FGGY: variants seen among roughly 807,000 people sequenced by gnomAD.
FGGY encodes FGGY carbohydrate kinase domain containing, also known as FGGY carbohydrate kinase domain-containing protein.
Under a neutral mutation model 71.3 loss-of-function variants are expected in FGGY, and 72 were observed. The ratio of observed to expected loss-of-function variants is 1.01; its 90% CI spans 0.84 to 1.23. The LOEUF (loss-of-function observed/expected upper bound fraction) is 1.23. Among genes scored for constraint, FGGY ranks in the 50% most tolerant of loss-of-function variants. FGGY has a pLI of 0.00. For missense variants in FGGY, 668 were observed against 682.3 expected (o/e 0.98, Z 0.23); for synonymous variants, 251 against 250.3 (o/e 1.00, Z -0.02).
intron 5 of FGGY, among the ~76,000 whole-genome samples, chr1:59,380,948 C>T (rs1435022228): frequency 3.3e-5 from 5 of 151,872 alleles, no homozygotes; most frequent in African/African-American, 1.2e-4. Flanking sequence ...GTCTTTAATC[C>T]ATCTTGAATT....
chr1:59,626,488 T>C (rs1322881827), intron 10 of FGGY: 1 of 153,936 alleles, frequency 6.5e-6, no homozygotes, highest in African/African-American at 2.4e-5. Flanking sequence ...GCAAAAAAAA[T>C]TTACGATATA....
intron 11 of FGGY, chr1:59,641,395 GT>G: frequency 1.3e-6 from 2 of 1,502,532 alleles, no homozygotes; most frequent in Non-Finnish European, 1.8e-6. Context: ...CATTCACTGT[GT>G]TTTTATTGAA....
intron 8 of FGGY, among the ~76,000 whole-genome samples, chr1:59,605,474 G>A (rs1165441284): frequency 6.6e-6 from 1 of 152,110 alleles, no homozygotes; most frequent in African/African-American, 2.4e-5. Context: ...CACAGACCTG[G>A]ACTGGGAACT....
intron 5 of FGGY, among the ~76,000 whole-genome samples, chr1:59,439,055 A>G (rs1320410598): frequency 6.6e-6 from 1 of 152,078 alleles, no homozygotes; most frequent in Non-Finnish European, 1.5e-5. Context: ...GCCCAACTGG[A>G]TGTTGTCTCT....
At chr1:59,419,042 G>C (rs1030860230) in intron 5 of FGGY, among the ~76,000 whole-genome samples, 3 of 152,154 alleles carry the variant, frequency 2.0e-5, no homozygotes, top group Non-Finnish European at 1.5e-5. Flanking sequence ...GGCTGTAGGA[G>C]CTATGGCTGT....
intron 2 of FGGY, among the ~76,000 whole-genome samples, chr1:59,323,039 C>G (rs1435825694): frequency 6.9e-6 from 1 of 145,640 alleles, no homozygotes; most frequent in Non-Finnish European, 1.5e-5. Context: ...AGTGGGTAGG[C>G]AGTACCAGAG....
intron 7 of FGGY, among the ~76,000 whole-genome samples, chr1:59,517,254 C>CTTTTTTTT (rs57951011): frequency 5.7e-5 from 5 of 87,658 alleles, no homozygotes; most frequent in South Asian, 3.8e-4. Flanking sequence ...CTCAGTTGCT[C>CTTTTTTTT]TTTTTTTTTT....
At chr1:59,416,824 T>C (rs945657463) in intron 5 of FGGY, among the ~76,000 whole-genome samples, 1 of 152,190 alleles carries the variant, frequency 6.6e-6, no homozygotes. Context: ...TTAGGTCTTA[T>C]TGGCTGGAAT....
chr1:59,298,793 A>G (rs926371095), intron 1 of FGGY, among the ~76,000 whole-genome samples: 2 of 152,210 alleles, frequency 1.3e-5, no homozygotes. Context: ...TACAGAGATC[A>G]CTTACCTTCT....
intron 8 of FGGY, among the ~76,000 whole-genome samples, chr1:59,558,259 T>C (rs1408557602): frequency 6.6e-6 from 1 of 152,204 alleles, no homozygotes; most frequent in Admixed American, 6.5e-5. Context: ...ACAATCCATG[T>C]GGTTATGGAC....
chr1:59,628,149 A>C (rs2096876664), intron 10 of FGGY, among the ~76,000 whole-genome samples: 1 of 152,206 alleles, frequency 6.6e-6, no homozygotes, highest in Non-Finnish European at 1.5e-5. Flanking sequence ...GGAAAATAAT[A>C]ACTTTCCAGT....
chr1:59,514,230 T>C (rs1048970315), intron 7 of FGGY, among the ~76,000 whole-genome samples: 1 of 152,192 alleles, frequency 6.6e-6, no homozygotes, highest in Non-Finnish European at 1.5e-5. Flanking sequence ...AAATTATCCC[T>C]GGGGTGACAG....
chr1:59,342,646 A>G (rs1202925816), intron 3 of FGGY, among the ~76,000 whole-genome samples: 2 of 152,116 alleles, frequency 1.3e-5, no homozygotes, highest in Admixed American at 1.3e-4. Flanking sequence ...TAGAATTATA[A>G]AGGTGGTTTG....
intron 6 of FGGY, among the ~76,000 whole-genome samples, chr1:59,507,526 A>AT (rs937170007): frequency 2.0e-5 from 3 of 151,082 alleles, no homozygotes; most frequent in South Asian, 2.1e-4. Context: ...TTATTTATTT[A>AT]TTTTTTTGAG....
At chr1:59,724,797 A>G (rs989635702) in intron 14 of FGGY, among the ~76,000 whole-genome samples, 10 of 152,234 alleles carry the variant, frequency 6.6e-5, no homozygotes, top group Middle Eastern at 3.4e-3. Flanking sequence ...TCACATGTTC[A>G]TATATTTTGC....
At chr1:59,616,569 C>T (rs934449624) in intron 9 of FGGY, among the ~76,000 whole-genome samples, 2 of 151,972 alleles carry the variant, frequency 1.3e-5, no homozygotes, top group Non-Finnish European at 2.9e-5. Flanking sequence ...CAATATGGCA[C>T]ATGTATACAT....
chr1:59,425,503 G>A (rs992259952), intron 5 of FGGY, among the ~76,000 whole-genome samples: 3 of 152,188 alleles, frequency 2.0e-5, no homozygotes, highest in Non-Finnish European at 4.4e-5. Context: ...AGGAGGGAAA[G>A]GGAAATGAGC....
intron 7 of FGGY, among the ~76,000 whole-genome samples, chr1:59,535,986 G>A (rs571346404): frequency 6.7e-6 from 1 of 150,008 alleles, no homozygotes; most frequent in Non-Finnish European, 1.5e-5. Context: ...TAAAATCACA[G>A]CAGAACTGAA....
At chr1:59,521,828 T>C (rs2094842559) in intron 7 of FGGY, among the ~76,000 whole-genome samples, 1 of 152,238 alleles carries the variant, frequency 6.6e-6, no homozygotes, top group Non-Finnish European at 1.5e-5. Flanking sequence ...TTCCATTTTA[T>C]ACCTTATATC....
Sources: allele counts gnomAD v4.1 joint callset (sites outside exome capture counted in the v4.1 genomes callset), GRCh38; gene constraint gnomAD v4.1.1; transcripts MANE v1.5; gene names NCBI Gene and HGNC (gene_info 2026-07-23, HGNC 2026-07-21).